The following KANSL1 variants were observed in gnomAD, a reference collection of about 807,000 sequenced individuals.
The protein encoded by KANSL1 is MLL1/MLL complex subunit KANSL1.
KANSL1 carries 22 observed loss-of-function variants against 103.6 expected under a neutral mutation model. That is an observed-to-expected ratio of 0.21 (90% CI 0.15 to 0.30). KANSL1 has a LOEUF of 0.30. Among genes scored for constraint, KANSL1 ranks in the 10% least tolerant of loss-of-function variants. KANSL1 has a pLI of 1.00. For synonymous variants in KANSL1, 600 were observed against 527.6 expected, an observed-to-expected ratio of 1.14 and a Z score of -1.88; for missense variants, 1,337 against 1,399.8, an observed-to-expected ratio of 0.96 and a Z score of 0.72.
intron 6 of KANSL1, among the ~76,000 whole-genome samples, chr17:46,051,463 A>C (rs1474324434): frequency 2.0e-5 from 3 of 152,216 alleles, no homozygotes; most frequent in African/African-American, 7.2e-5. Context: ...GGTAAGTCCA[A>C]AGTTAAATAT....
At chr17:46,119,081 T>C (rs1468240) in intron 2 of KANSL1, among the ~76,000 whole-genome samples, 20 of 152,324 alleles carry the variant, frequency 1.3e-4, no homozygotes, top group African/African-American at 2.9e-4. Flanking sequence ...CTGGATCCTA[T>C]ACATAGCAGC....
intron 3 of KANSL1, among the ~76,000 whole-genome samples, chr17:46,091,338 C>T (rs962862969): frequency 1.3e-5 from 2 of 152,002 alleles, no homozygotes; most frequent in African/African-American, 2.4e-5. Context: ...AGTGTTATTA[C>T]AAAAGAGTCA....
chr17:46,217,242 G>A (rs530966717), intron 1 of KANSL1, among the ~76,000 whole-genome samples: 11 of 152,222 alleles, frequency 7.2e-5, no homozygotes, highest in South Asian at 2.1e-4. Flanking sequence ...TTAAGAGGCC[G>A]AGGTGGGTGG....
Position 46,064,044 on chromosome 17 carries a change from G to A in KANSL1, c.1848+2493C>T, listed in dbSNP as rs1293664984. On this transcript the variant is annotated intron_variant, in intron 6 of 14. Transcript: ENST00000432791. ...CTCTGAAAATCTTTTAGAGATATAC[G>A]ACTATTAGTAAAAAAAAAAAAAAAA... Among the ~76,000 whole-genome samples the A allele has an allele frequency of 5.8e-5, 7 of 120,558 alleles. 1 individual carries two copies. The South Asian group carries it at 1.0e-3, about 18-fold the overall frequency. 79.1% of individuals were successfully genotyped at this position (120,558 alleles called of 152,430 possible).
At chr17:46,161,250 T>TAAAAAAAAAA (rs534754110) in intron 2 of KANSL1, among the ~76,000 whole-genome samples, 4 of 79,394 alleles carry the variant, frequency 5.0e-5, no homozygotes, top group South Asian at 4.6e-4. Context: ...CCACCTCTAC[T>TAAAAAAAAAA]AAAAAAAAAA....
intron 10 of KANSL1, among the ~76,000 whole-genome samples, chr17:46,036,720 CTTTCT>C (rs1329264312): frequency 6.8e-6 from 1 of 147,842 alleles, no homozygotes; most frequent in African/African-American, 2.4e-5. Context: ...GGCCTATCTT[CTTTCT>C]TTTTTTTTTT....
chr17:46,174,460 G>C (rs2046427486), intron 1 of KANSL1, among the ~76,000 whole-genome samples: 1 of 152,224 alleles, frequency 6.6e-6, no homozygotes, highest in Non-Finnish European at 1.5e-5. Flanking sequence ...TGGGATTACA[G>C]GCCTAAGCTG....
chr17:46,197,151 A>G (rs1447349894), upstream of KANSL1, among the ~76,000 whole-genome samples: 2 of 152,272 alleles, frequency 1.3e-5, no homozygotes, highest in African/African-American at 2.4e-5. Context: ...GAAGGAAAGA[A>G]AGAAAAAAGG....
intron 3 of KANSL1, chr17:46,093,844 A>G (rs2079512988): frequency 6.6e-6 from 1 of 152,274 alleles, no homozygotes; most frequent in Non-Finnish European, 1.5e-5. Flanking sequence ...TCATGAAGGT[A>G]GGATTTTTGA....
chr17:46,112,923 G>C (rs1456332693), intron 2 of KANSL1, among the ~76,000 whole-genome samples: 1 of 152,114 alleles, frequency 6.6e-6, no homozygotes, highest in Non-Finnish European at 1.5e-5. Flanking sequence ...GTTTCTCCAT[G>C]TTGGTCAGGG....
At position 46,171,174 on chromosome 17, in the gene KANSL1, A is replaced by G; in HGVS notation, c.970T>C (p.Phe324Leu). The change falls in exon 2 of 15, where the codon TTT (phenylalanine) becomes CTT (leucine). Residue 324 changes from phenylalanine to leucine, a missense_variant. Transcript: ENST00000432791. ...ERHIQHQLGG[F>L]LEKTLSKLPN... ...AGTTTGCTCAAAGTCTTCTCCAAAA[A>G]TCCACCCAGCTGATGTTGTATATGC... is the stretch of plus-strand genomic sequence containing the variant. The G allele has an allele frequency of 6.2e-7, 1 of 1,614,098 alleles. No individual in the cohort carries two copies. The highest frequency in any genetic ancestry group is 8.5e-7 in the Non-Finnish European group (1 of 1,180,050).
intron 4 of KANSL1, among the ~76,000 whole-genome samples, chr17:46,073,276 T>G (rs1306448451): frequency 3.3e-5 from 5 of 152,228 alleles, no homozygotes; most frequent in African/African-American, 9.7e-5. Context: ...CTTGTTTTTC[T>G]CATCACTTCT....
At chr17:46,047,770 C>T (rs781503973) in intron 7 of KANSL1, among the ~76,000 whole-genome samples, 6 of 146,670 alleles carry the variant, frequency 4.1e-5, no homozygotes, top group South Asian at 2.2e-4. Flanking sequence ...CTTAGGGCAC[C>T]GAGCAAGACC....
chr17:46,039,053 C>T lies in KANSL1; in HGVS notation c.2366G>A (p.Arg789Gln), dbSNP rs2146362190. Residue 789 changes from arginine to glutamine, a missense_variant, in exon 9 of 15, where the codon CGA becomes CAA. Around this residue, in one of 2 missense-constraint regions of KANSL1, gnomAD observed 780 missense variants for 923.4 expected, o/e 0.84. Coordinates refer to ENST00000432791, the MANE Select transcript of KANSL1 (RefSeq NM_015443.4). ...HDPNHSKMRL[R>Q]DHSSERSEVL... is the part of the protein sequence containing the mutation. ...TTCACTTCTCTCAGATGAATGGTCTCGCAATCTCATTTTGCTGTGGTTTGG... is the reference window on the plus strand; with the variant it reads ...TTCACTTCTCTCAGATGAATGGTCTTGCAATCTCATTTTGCTGTGGTTTGG... 6 of 1,611,388 alleles carry T rather than the reference C, an allele frequency of 3.7e-6. No individual in the cohort carries two copies. The highest frequency in any genetic ancestry group is 3.4e-6 in the Non-Finnish European group (4 of 1,179,666).
At chr17:46,032,019 A>C in intron 14 of KANSL1, 28 bp downstream of exon 14, 1 of 1,613,496 alleles carries the variant, frequency 6.2e-7, no homozygotes, top group South Asian at 1.1e-5. Context: ...CAACCATGCC[A>C]ACCCCACCCA....
chr17:46,206,136 T>C (rs1567803061), intron 1 of KANSL1, among the ~76,000 whole-genome samples: 1 of 141,232 alleles, frequency 7.1e-6, no homozygotes, highest in East Asian at 2.1e-4. Context: ...TGGATGAGAA[T>C]GGATCAGAAG....
rs567650044 is a variant in KANSL1, at chr17:46,096,316, T to C, written c.1290-1615A>G. ...TACATACCTGGCTTTTTTTTCTTTTTTTTTTTTTTTTTTTTTGAGATGGAG... is the reference window on the plus strand; with the variant it reads ...TACATACCTGGCTTTTTTTTCTTTTCTTTTTTTTTTTTTTTTGAGATGGAG... On this transcript the variant is annotated intron_variant, in intron 2 of 14. Coordinates refer to ENST00000432791, the MANE Select transcript of KANSL1 (RefSeq NM_015443.4). 6.1e-3 allele frequency among the ~76,000 whole-genome samples: 595 copies of C among 97,258 alleles called. 16 individuals are homozygous for C. The highest frequency in any genetic ancestry group is 6.5e-3 in the South Asian group (21 of 3,220). 63.8% of individuals were successfully genotyped at this position (97,258 alleles called of 152,430 possible).
intron 3 of KANSL1, among the ~76,000 whole-genome samples, chr17:46,092,393 G>A (rs62061788): frequency 0.14 from 21,624 of 151,904 alleles, 2,102 homozygotes; most frequent in Non-Finnish European, 0.22. Flanking sequence ...CTTATACACA[G>A]CTAGTGAGAC....
chr17:46,053,866 A>G (rs2077817877), intron 6 of KANSL1, among the ~76,000 whole-genome samples: 1 of 152,228 alleles, frequency 6.6e-6, no homozygotes. Context: ...ACACACGCAC[A>G]CGCTCTTCCA....
Sources: gnomAD v4.1 joint callset for allele counts (sites outside exome capture counted in the v4.1 genomes callset) on GRCh38, gnomAD v4.1.1 for gene constraint, gnomAD v4.1.1 regional missense constraint, MANE v1.5 for transcripts, NCBI Gene and HGNC (gene_info 2026-07-23, HGNC 2026-07-21) for gene names.